EXT2: variants seen among roughly 807,000 people sequenced by gnomAD.
EXT2 encodes exostosin-2.
A neutral mutation model predicts 81.6 loss-of-function variants in EXT2; 53 were observed. The observed-to-expected ratio is 0.65, with a 90% CI of 0.52 to 0.82. The LOEUF (loss-of-function observed/expected upper bound fraction) is 0.82. EXT2 is among the 40% of genes least tolerant of loss of function. The pLI, the probability that EXT2 is intolerant of heterozygous loss-of-function variation, is 0.00. For missense variants in EXT2, 774 were observed against 910.2 expected (o/e 0.85, Z 1.93); for synonymous variants, 320 against 340.0 (o/e 0.94, Z 0.65).
intron 1 of EXT2, 121 bp downstream of exon 1, chr11:44,095,973 G>C (rs1953888517): frequency 1.9e-5 from 9 of 468,630 alleles, no homozygotes; most frequent in Non-Finnish European, 3.6e-5. Flanking sequence ...AGGCTCCGTG[G>C]AGGCCCGTGG....
In EXT2 at chr11:44,156,197, G is replaced by C. The variant is rs112002767; in HGVS notation, c.1174-15414G>C. Among the ~76,000 whole-genome samples, 714 of 152,150 alleles carry C rather than the reference G, an allele frequency of 4.7e-3. 8 individuals carry two copies. Among genetic ancestry groups the C allele is most frequent in the African/African-American group, 0.017 (694 of 41,516 alleles). ...TGGAAGTGTGATTATTAAATGACTTGAGATAGTCTTCTTTGGGGTTCAATC... is the reference window on the plus strand; with the variant it reads ...TGGAAGTGTGATTATTAAATGACTTCAGATAGTCTTCTTTGGGGTTCAATC... On this transcript the variant is annotated intron_variant, in intron 7 of 13. Transcript: ENST00000533608.
At chr11:44,212,239 C>T (rs1018975402) in intron 10 of EXT2, among the ~76,000 whole-genome samples, 4 of 151,440 alleles carry the variant, frequency 2.6e-5, no homozygotes, top group Admixed American at 6.6e-5. Flanking sequence ...GAGCCAAGAT[C>T]GCACCATTGC....
intron 7 of EXT2, among the ~76,000 whole-genome samples, chr11:44,143,124 G>A (rs1565210262): frequency 6.6e-6 from 1 of 152,094 alleles, no homozygotes; most frequent in Non-Finnish European, 1.5e-5. Context: ...GCTAATTTTT[G>A]TATTTTTAGT....
chr11:44,135,040 A>G (rs1954545474), intron 7 of EXT2, among the ~76,000 whole-genome samples: 1 of 152,250 alleles, frequency 6.6e-6, no homozygotes, highest in Non-Finnish European at 1.5e-5. Context: ...GCAGAGAAGT[A>G]CTTGAAGATG....
intron 7 of EXT2, among the ~76,000 whole-genome samples, chr11:44,171,002 C>T (rs1411617849): frequency 1.3e-5 from 2 of 152,134 alleles, no homozygotes; most frequent in African/African-American, 4.8e-5. Context: ...TTTTATAAGG[C>T]CAGCATAACC....
intron 4 of EXT2, among the ~76,000 whole-genome samples, chr11:44,115,295 C>T (rs559867922): frequency 6.6e-6 from 1 of 152,244 alleles, no homozygotes; most frequent in South Asian, 2.1e-4. Context: ...GCTCAAGTGA[C>T]CCTCCTGCCT....
chr11:44,193,499 A>G (rs1396720064), intron 8 of EXT2, among the ~76,000 whole-genome samples: 2 of 152,242 alleles, frequency 1.3e-5, no homozygotes, highest in Non-Finnish European at 2.9e-5. Flanking sequence ...CTGAGGTACA[A>G]GAGAGATTAA....
intron 7 of EXT2, among the ~76,000 whole-genome samples, chr11:44,157,242 G>T (rs1449700045): frequency 6.6e-6 from 1 of 152,194 alleles, no homozygotes; most frequent in Non-Finnish European, 1.5e-5. Context: ...GGCTGCTTCT[G>T]ATGTTCACTT....
chr11:44,200,360 T>C (rs1955508844), intron 9 of EXT2, among the ~76,000 whole-genome samples: 1 of 152,074 alleles, frequency 6.6e-6, no homozygotes. Flanking sequence ...TGGTTACACT[T>C]AAGTCCAAAT....
At chr11:44,165,721 A>T (rs890880380) in intron 7 of EXT2, among the ~76,000 whole-genome samples, 1 of 152,226 alleles carries the variant, frequency 6.6e-6, no homozygotes, top group Non-Finnish European at 1.5e-5. Flanking sequence ...AGAATATATG[A>T]TGATAGACCC....
intron 9 of EXT2, among the ~76,000 whole-genome samples, chr11:44,203,721 CCCTG>C (rs540487554): frequency 5.9e-5 from 9 of 152,056 alleles, no homozygotes; most frequent in African/African-American, 1.2e-4. Context: ...AGACAAGTGC[CCCTG>C]CCTGCCTGCC....
intron 4 of EXT2, among the ~76,000 whole-genome samples, chr11:44,119,147 T>TATATATATATAC (rs1263294466): frequency 3.4e-4 from 17 of 49,378 alleles, no homozygotes; most frequent in Non-Finnish European, 4.5e-4. Context: ...TATATATATA[T>TATATATATATAC]ATATATATAT....
intron 7 of EXT2, among the ~76,000 whole-genome samples, chr11:44,136,641 T>C (rs1954572030): frequency 6.6e-6 from 1 of 152,220 alleles, no homozygotes; most frequent in Non-Finnish European, 1.5e-5. Context: ...CTACCATTCT[T>C]ATCCACCCTG....
intron 7 of EXT2, among the ~76,000 whole-genome samples, chr11:44,155,121 T>C (rs964079171): frequency 4.6e-5 from 7 of 152,072 alleles, no homozygotes; most frequent in African/African-American, 1.7e-4. Flanking sequence ...TGTGATCCCA[T>C]TTGCCCATTT....
chr11:44,107,922 G>A lies in EXT2; in HGVS notation c.210G>A (p.Arg70=), dbSNP rs763040366. ...KRSIRDVPVV[R]LPADSPIPER... is the part of the protein sequence containing the mutation. ...GCATCCGTGATGTGCCGGTTGTTAG[G>A]CTGCCAGCCGACAGTCCCATCCCAG... Residue 70 remains arginine, a synonymous_variant, in exon 2 of 14, where the codon AGG becomes AGA. Coordinates refer to ENST00000533608, the MANE Select transcript of EXT2 (RefSeq NM_207122.2). 34 of 1,614,104 alleles carry A rather than the reference G, an allele frequency of 2.1e-5. No individual in the cohort carries two copies. Among genetic ancestry groups the A allele is most frequent in the South Asian group, 4.4e-5 (4 of 91,090 alleles).
At chr11:44,185,460 T>C (rs1472285676) in intron 8 of EXT2, among the ~76,000 whole-genome samples, 1 of 152,250 alleles carries the variant, frequency 6.6e-6, no homozygotes, top group Non-Finnish European at 1.5e-5. Flanking sequence ...TCCAAAAATT[T>C]GTTGAACTCT....
intron 8 of EXT2, among the ~76,000 whole-genome samples, chr11:44,196,158 A>G (rs1955453251): frequency 6.6e-6 from 1 of 152,242 alleles, no homozygotes; most frequent in African/African-American, 2.4e-5. Flanking sequence ...CTTTATTTTA[A>G]AAACATTTCA....
intron 7 of EXT2, among the ~76,000 whole-genome samples, chr11:44,147,909 A>G (rs905372515): frequency 2.0e-5 from 3 of 151,230 alleles, no homozygotes; most frequent in Non-Finnish European, 4.4e-5. Flanking sequence ...GATCCTCCCT[A>G]TATTCAAGGA....
chr11:44,171,500 C>T (rs182756468), intron 7 of EXT2, 111 bp from the exon 8 acceptor site: 1 of 1,553,244 alleles, frequency 6.4e-7, no homozygotes, highest in East Asian at 2.2e-5. Flanking sequence ...CCCATCCCTA[C>T]AACTTTGGGA....
Sources: allele counts gnomAD v4.1 joint callset (sites outside exome capture counted in the v4.1 genomes callset), GRCh38; gene constraint gnomAD v4.1.1; transcripts MANE v1.5; gene names NCBI Gene and HGNC (gene_info 2026-07-23, HGNC 2026-07-21).